Variants in GMIP observed in about 807,000 individuals in gnomAD.
The protein encoded by GMIP is GEM interacting protein.
GMIP carries 54 observed loss-of-function variants against 105.3 expected under a neutral mutation model. The ratio of observed to expected loss-of-function variants is 0.51; its 90% CI spans 0.41 to 0.64. GMIP has a LOEUF of 0.64. GMIP is among the 30% of genes least tolerant of loss of function. The pLI, the probability that GMIP is intolerant of heterozygous loss-of-function variation, is 0.00. For missense variants in GMIP, 1,110 were observed against 1,319.4 expected (o/e 0.84, Z 2.46); for synonymous variants, 541 against 560.8 (o/e 0.96, Z 0.50).
rs1307084211 is a variant in GMIP, at chr19:19,634,711, TG to T, written c.1888-9del. 1 of 1,606,802 alleles carries T rather than the reference TG, an allele frequency of 6.2e-7. No individual in the cohort carries two copies. Among genetic ancestry groups the T allele is most frequent in the Non-Finnish European group, 8.5e-7 (1 of 1,175,282 alleles). ...GATCACGGGCTCGGTGAGCTGGGGG[TG>T]GAACGGAGGGCGCAACACGAGTGTG... On this transcript the variant is annotated splice_polypyrimidine_tract_variant and intron_variant, in intron 17 of 20. Transcript: ENST00000203556. The surrounding 1 kb of genome is among the most constrained non-coding windows in gnomAD (Gnocchi z 6.1).
Position 19,630,114 on chromosome 19 carries a change from T to C in GMIP, c.2762A>G (p.Glu921Gly). 3 of 1,608,498 alleles carry C rather than the reference T, an allele frequency of 1.9e-6. No homozygotes were observed. The highest frequency in any genetic ancestry group is 1.1e-5 in the South Asian group (1 of 90,588). The stretch of plus-strand genomic sequence containing the variant: ...CGGGGTGCGGCGCAGGGGGCTGCCC[T>C]CAGGGGAGGCAGCTGCAGGGCTGGG... Reference protein sequence around the residue: ...RGPSPAAASPEGSPLRRTPLP... With the variant: ...RGPSPAAASPGGSPLRRTPLP... The change falls in exon 21 of 21, where the codon GAG becomes GGG. Residue 921 changes from glutamate to glycine, a missense_variant. Physicochemically the swap from Glu to Gly is moderately conservative, Grantham distance 98. This residue lies in a region of GMIP where 394 missense variants were observed against 450.5 expected (regional missense o/e 0.87). Transcript: ENST00000203556. This position sits in a 1 kb window ranked among gnomAD's most constrained non-coding sequence, Gnocchi z 4.8.
Position 19,635,289 on chromosome 19 carries a change from G to T in GMIP, c.1561-76C>A, listed in dbSNP as rs916669375. On this transcript the variant is annotated intron_variant, in intron 15 of 20. Transcript: ENST00000203556. This position sits in a 1 kb window ranked among gnomAD's most constrained non-coding sequence, Gnocchi z 4.7. Reference sequence around the variant, plus strand: ...AGAGAAGGTTACAAGGATCCTCAAGGAATGGGGGCTCATGGGAGACATCAG... The same window carrying T: ...AGAGAAGGTTACAAGGATCCTCAAGTAATGGGGGCTCATGGGAGACATCAG... 5 of 1,529,344 alleles carry T rather than the reference G, an allele frequency of 3.3e-6. No individual in the cohort carries two copies. In the East Asian group the frequency reaches 1.1e-4, roughly 35 times the overall value. 94.7% of individuals were successfully genotyped at this position (1,529,344 alleles called of 1,614,324 possible). A position where few individuals can be genotyped will look rare whatever the true frequency, so the allele number is the denominator to read the frequency against.
intron 7 of GMIP, among the ~76,000 whole-genome samples, chr19:19,638,910 G>A (rs990055074): frequency 2.0e-5 from 3 of 150,154 alleles, no homozygotes; most frequent in East Asian, 2.0e-4. Flanking sequence ...GTGAAACCCC[G>A]TCTCTACAAA....
At chr19:19,641,317 C>T (rs1169758811) in intron 4 of GMIP, among the ~76,000 whole-genome samples, 1 of 148,928 alleles carries the variant, frequency 6.7e-6, no homozygotes, top group Non-Finnish European at 1.5e-5. Context: ...CTCCTGACCT[C>T]GTGGTCCACC....
rs1394328744 is a variant in GMIP at position 19,635,831 on chromosome 19, G to T, written c.1328-110C>A. 2.3e-6 allele frequency: 2 copies of T among 861,820 alleles called. No homozygotes were observed. The highest frequency in any genetic ancestry group is 1.6e-5 in the African/African-American group (1 of 60,724). The allele number at this position is 861,820 out of a possible 1,614,324, so 53.4% of individuals were successfully genotyped here. Reference sequence around the variant, plus strand: ...CCAAGGGGTCAGAGGTCAGGAGGGGGATTGGACAGGTCAGTGGTTAAGGGT... The same window carrying T: ...CCAAGGGGTCAGAGGTCAGGAGGGGTATTGGACAGGTCAGTGGTTAAGGGT... On this transcript the variant is annotated intron_variant, in intron 13 of 20. Coordinates refer to ENST00000203556, the MANE Select transcript of GMIP (RefSeq NM_016573.4). This position sits in a 1 kb window ranked among gnomAD's most constrained non-coding sequence, Gnocchi z 4.7.
At position 19,637,078 on chromosome 19, in the gene GMIP, G is replaced by T; in HGVS notation, c.1125-49C>A. The T allele has an allele frequency of 7.9e-7, 1 of 1,261,206 alleles. No individual in the cohort carries two copies. Among genetic ancestry groups the T allele is most frequent in the Non-Finnish European group, 1.1e-6 (1 of 885,450 alleles). The allele number at this position is 1,261,206 out of a possible 1,614,324, so 78.1% of individuals were successfully genotyped here. On this transcript the variant is annotated intron_variant, in intron 11 of 20. Transcript: ENST00000203556. The surrounding 1 kb of genome is among the most constrained non-coding windows in gnomAD (Gnocchi z 6.7). ...TTTGAATCCCAGGAAACTGGCCTGGGGTGATGGCACCCAGGCATCATGTCT... is the reference window on the plus strand; with the variant it reads ...TTTGAATCCCAGGAAACTGGCCTGGTGTGATGGCACCCAGGCATCATGTCT...
chr19:19,632,717 C>T (rs1160972534), intron 19 of GMIP, among the ~76,000 whole-genome samples: 1 of 152,198 alleles, frequency 6.6e-6, no homozygotes, highest in Non-Finnish European at 1.5e-5. Flanking sequence ...CAGTGGTGGT[C>T]TGTGCCTGTG....
Position 19,637,893 on chromosome 19 carries a change from G to A in GMIP, c.927+27C>T, listed in dbSNP as rs1357158997. On this transcript the variant is annotated intron_variant, in intron 10 of 20. Coordinates refer to ENST00000203556, the MANE Select transcript of GMIP (RefSeq NM_016573.4). This position sits in a 1 kb window ranked among gnomAD's most constrained non-coding sequence, Gnocchi z 6.7. ...AGTCGGGGCCCCAACGGGGTGAGGG[G>A]AGGATGGCCTTGGGGATGGGCCTCA... 6 of 1,579,304 alleles carry A rather than the reference G, an allele frequency of 3.8e-6. No homozygotes were observed. In the South Asian group the frequency reaches 7.0e-5, roughly 19 times the overall value.
intron 1 of GMIP, among the ~76,000 whole-genome samples, chr19:19,642,845 G>T (rs2144880754): frequency 6.6e-6 from 1 of 152,138 alleles, no homozygotes; most frequent in Non-Finnish European, 1.5e-5. Flanking sequence ...CACTCCCTGG[G>T]TCTGCCTGCA....
In GMIP at chr19:19,630,097, G is replaced by C. The variant is rs200594143; in HGVS notation, c.2779C>G (p.Arg927Gly). 1.2e-6 allele frequency: 2 copies of C among 1,610,334 alleles called. No homozygotes were observed. The highest frequency in any genetic ancestry group is 2.2e-5 in the East Asian group (1 of 44,816). Reference protein sequence around the residue: ...AASPEGSPLRRTPLPKHFEIT... With the variant: ...AASPEGSPLRGTPLPKHFEIT... ...TCAAAATGCTTGGGCAGCGGGGTGC[G>C]GCGCAGGGGGCTGCCCTCAGGGGAG... Residue 927 changes from arginine (R) to glycine (G), a missense_variant, in exon 21 of 21, where the codon CGC becomes GGC. Arg to Gly is a moderately radical substitution (Grantham distance 125). Transcript: ENST00000203556. The surrounding 1 kb of genome is among the most constrained non-coding windows in gnomAD (Gnocchi z 4.8).
chr19:19,630,270 G>C lies in GMIP; in HGVS notation c.2606C>G (p.Pro869Arg), dbSNP rs753884685. 1 of 1,552,562 alleles carries C rather than the reference G, an allele frequency of 6.4e-7. No homozygotes were observed. Among genetic ancestry groups the C allele is most frequent in the Admixed American group, 1.9e-5 (1 of 52,060 alleles). The change falls in exon 21 of 21, where the codon CCA becomes CGA. Residue 869 changes from proline (P) to arginine (R), a missense_variant. Around this residue, in one of 3 missense-constraint regions of GMIP, gnomAD observed 394 missense variants for 450.5 expected, o/e 0.87. Coordinates refer to ENST00000203556, the MANE Select transcript of GMIP (RefSeq NM_016573.4). The surrounding 1 kb of genome is among the most constrained non-coding windows in gnomAD (Gnocchi z 4.8). ...CACACCGCCCCGGGGATACTTCACT[G>C]GCTGGCGGCTGAAGTGGCCACGAGA... Reference protein sequence around the residue: ...TQSRGHFSRQPVKYPRGGVRP... With the variant: ...TQSRGHFSRQRVKYPRGGVRP...
intron 6 of GMIP, 28 bp from the exon 7 acceptor site, chr19:19,640,220 A>G: frequency 6.4e-7 from 1 of 1,570,026 alleles, no homozygotes; most frequent in Non-Finnish European, 8.7e-7. Flanking sequence ...GTGTAGGAGG[A>G]TACTGAAGAT....
chr19:19,633,952 G>A lies in GMIP; in HGVS notation c.2323C>T (p.Pro775Ser), dbSNP rs764804357. The A allele has an allele frequency of 1.3e-6, 2 of 1,584,572 alleles. No homozygotes were observed. Among genetic ancestry groups the A allele is most frequent in the Admixed American group, 3.4e-5 (2 of 58,624 alleles). ...CTGGTTGTGAGGGGCCCAGGGGCTG[G>A]GCTGGAGTCTTGGGGCGGGGGCTCA... ...ATEPPPQDSS[P>S]APGPLTTSSQ... Residue 775 changes from proline to serine, a missense_variant, in exon 19 of 21, where the codon CCA (proline) becomes TCA (serine). By Grantham distance (74) the Pro-to-Ser change is moderately conservative (BLOSUM62 -1). Coordinates refer to ENST00000203556, the MANE Select transcript of GMIP (RefSeq NM_016573.4).
rs942713124 is a variant in GMIP, at chr19:19,643,540, G to A, written c.-11C>T. On this transcript the variant is annotated 5_prime_UTR_variant, in exon 1 of 21. Transcript: ENST00000203556. ...CTCTGCTGCGTCCATATCTGGGCCC[G>A]GGGATCGCTCTGCAGGGACCGGGAT... 16 of 1,546,402 alleles carry A rather than the reference G, an allele frequency of 1.0e-5. No homozygotes were observed. Among genetic ancestry groups the A allele is most frequent in the Middle Eastern group, 3.4e-4 (2 of 5,924 alleles).
chr19:19,643,468 G>A, intron 1 of GMIP, 43 bp downstream of exon 1: 2 of 1,516,138 alleles, frequency 1.3e-6, no homozygotes, highest in South Asian at 2.4e-5. Flanking sequence ...TAGGAAGCAG[G>A]GGATGGTCGG....
At chr19:19,638,522 G>T in intron 7 of GMIP, 40 bp from the exon 8 acceptor site, 1 of 1,561,488 alleles carries the variant, frequency 6.4e-7, no homozygotes. Context: ...CGCTGCCTTA[G>T]GGCCAACCCA....
intron 2 of GMIP, 61 bp from the exon 3 acceptor site, chr19:19,642,112 C>CT: frequency 3.5e-6 from 4 of 1,132,744 alleles, no homozygotes; most frequent in Non-Finnish European, 3.9e-6. Flanking sequence ...CCAAGGGGTG[C>CT]TGGGGACCTT....
chr19:19,630,386 T>A lies in GMIP; in HGVS notation c.2540-50A>T. 1 of 1,571,566 alleles carries A rather than the reference T, an allele frequency of 6.4e-7. No homozygotes were observed. The highest frequency in any genetic ancestry group is 8.6e-7 in the Non-Finnish European group (1 of 1,161,616). On this transcript the variant is annotated intron_variant, in intron 20 of 20. Coordinates refer to ENST00000203556, the MANE Select transcript of GMIP (RefSeq NM_016573.4). This position sits in a 1 kb window ranked among gnomAD's most constrained non-coding sequence, Gnocchi z 4.8. ...GCAGAGCACCTCCAAGTTCTCTGTA[T>A]ATCCCCCCAGGAGTCATCTTTTAGC...
chr19:19,640,665 A>C, intron 4 of GMIP, 94 bp from the exon 5 acceptor site: 1 of 1,200,176 alleles, frequency 8.3e-7, no homozygotes, highest in African/African-American at 1.5e-5. Context: ...CACCTGTCCT[A>C]CAGCCTCACA....
Sources: allele counts gnomAD v4.1 joint callset (sites outside exome capture counted in the v4.1 genomes callset), GRCh38; gene constraint gnomAD v4.1.1; regional missense constraint gnomAD v4.1.1; non-coding constraint Gnocchi (gnomAD v3.1); transcripts MANE v1.5; gene names NCBI Gene and HGNC (gene_info 2026-07-23, HGNC 2026-07-21).